Variants in HMCN2 observed in about 807,000 individuals in gnomAD.
The protein encoded by HMCN2 is hemicentin 2.
A neutral mutation model predicts 377.5 loss-of-function variants in HMCN2; 325 were observed. The ratio of observed to expected loss-of-function variants is 0.86; its 90% CI spans 0.79 to 0.94. The LOEUF is 0.94. HMCN2 is among the 40% of genes least tolerant of loss of function. The pLI is 0.00. For missense variants in HMCN2, 4,543 were observed against 4,725.3 expected (o/e 0.96, Z 1.13); for synonymous variants, 2,007 against 2,046.8 (o/e 0.98, Z 0.53).
intron 62 of HMCN2, among the ~76,000 whole-genome samples, chr9:130,389,139 G>T (rs1842170099): frequency 6.6e-6 from 1 of 152,194 alleles, no homozygotes; most frequent in African/African-American, 2.4e-5. Context: ...GCAGGGGCCG[G>T]CACTGCCAGC....
Position 130,388,401 on chromosome 9 carries a change from T to C in HMCN2, c.9392-8T>C. The C allele has an allele frequency of 1.0e-6, 1 of 987,902 alleles. No individual in the cohort carries two copies. Among genetic ancestry groups the C allele is most frequent in the East Asian group, 1.1e-4 (1 of 8,796 alleles). 61.2% of individuals were successfully genotyped at this position (987,902 alleles called of 1,614,324 possible). ...CAGAATTCTGACAGTCTGGCTTTCT[T>C]CCTGCAGTGCCCCCAACATTTGAGA... On this transcript the variant is annotated splice_polypyrimidine_tract_variant and splice_region_variant and intron_variant, in intron 61 of 97. Transcript: ENST00000683500.
rs565938462 is a variant in HMCN2 at position 130,304,874 on chromosome 9, G to A, written c.1688G>A (p.Arg563Gln). 3.8e-5 allele frequency: 18 copies of A among 471,132 alleles called. No homozygotes were observed. Among genetic ancestry groups the A allele is most frequent in the Non-Finnish European group, 7.5e-5 (17 of 227,058 alleles). 29.2% of individuals were successfully genotyped at this position (471,132 alleles called of 1,614,324 possible). Reference sequence around the variant, plus strand: ...CGAGTCCTGCCGGCCTCGACGGGCCGAGTTGCCCAGCTGGCTGACCTGTCC... The same window carrying A: ...CGAGTCCTGCCGGCCTCGACGGGCCAAGTTGCCCAGCTGGCTGACCTGTCC... ...DWRVLPASTG[R>Q]VAQLADLSLE... The change falls in exon 11 of 98, where the codon CGA becomes CAA. Residue 563 changes from arginine (R) to glutamine (Q), a missense_variant. Arg to Gln is a conservative substitution (Grantham distance 43). Coordinates refer to ENST00000683500, the MANE Select transcript of HMCN2 (RefSeq NM_001291815.2). This position sits in a 1 kb window ranked among gnomAD's most constrained non-coding sequence, Gnocchi z 4.3.
intron 4 of HMCN2, among the ~76,000 whole-genome samples, chr9:130,288,642 A>G (rs1157268220): frequency 6.6e-6 from 1 of 152,226 alleles, no homozygotes; most frequent in Non-Finnish European, 1.5e-5. Context: ...GTGCAGCCCA[A>G]GAGGCGTCAT....
At position 130,362,943 on chromosome 9, in the gene HMCN2, T is replaced by TG. The variant is rs1840464780; in HGVS notation, c.6186dup (p.Ser2063GlufsTer33). Reference sequence around the variant, plus strand: ...TCTGGGAGGTACTCCTGCGTGGCTGTGAGCGCGGTGGGCGAGGACCGCCAG... The same window carrying TG: ...TCTGGGAGGTACTCCTGCGTGGCTGTGGAGCGCGGTGGGCGAGGACCGCCAG... On this transcript the variant is annotated frameshift_variant, in exon 40 of 98. Transcript: ENST00000683500. LOFTEE classifies it high-confidence loss of function. 5 of 985,780 alleles carry TG rather than the reference T, an allele frequency of 5.1e-6. No homozygotes were observed. Among genetic ancestry groups the TG allele is most frequent in the Non-Finnish European group, 6.0e-6 (5 of 829,996 alleles). 61.1% of individuals were successfully genotyped at this position (985,780 alleles called of 1,614,324 possible). A position where few individuals can be genotyped will look rare whatever the true frequency, so the allele number is the denominator to read the frequency against.
In HMCN2 at chr9:130,375,723, C is replaced by G. The variant is rs1841340637; in HGVS notation, c.7791C>G (p.Ile2597Met). 3.0e-6 allele frequency: 3 copies of G among 985,782 alleles called. No homozygotes were observed. Among genetic ancestry groups the G allele is most frequent in the Non-Finnish European group, 3.6e-6 (3 of 829,992 alleles). 61.1% of individuals were successfully genotyped at this position (985,782 alleles called of 1,614,324 possible). The part of the protein sequence containing the change: ...DGAPFEASRN[I>M]QLLPGTHGLQ... ...CCCCGTTTGAGGCCTCCAGGAACAT[C>G]CAGCTGCTCCCAGGTGACGCCCTCT... Residue 2597 changes from isoleucine to methionine, a missense_variant, in exon 50 of 98, where the codon ATC (isoleucine) becomes ATG (methionine). This residue lies in a region of HMCN2 where 736 missense variants were observed against 773.2 expected (regional missense o/e 0.95). Coordinates refer to ENST00000683500, the MANE Select transcript of HMCN2 (RefSeq NM_001291815.2).
At chr9:130,426,715 A>G (rs1844395921) in intron 90 of HMCN2, among the ~76,000 whole-genome samples, 1 of 152,068 alleles carries the variant, frequency 6.6e-6, no homozygotes, top group African/African-American at 2.4e-5. Flanking sequence ...ATGCGGCCCA[A>G]CACAAATTTA....
At chr9:130,408,066 A>G (rs1250605371) in intron 83 of HMCN2, among the ~76,000 whole-genome samples, 1 of 152,210 alleles carries the variant, frequency 6.6e-6, no homozygotes, top group Non-Finnish European at 1.5e-5. Flanking sequence ...AAATGCCAGA[A>G]GCTTGCCAGC....
At chr9:130,408,212 G>A (rs769608003) in intron 83 of HMCN2, among the ~76,000 whole-genome samples, 10 of 152,194 alleles carry the variant, frequency 6.6e-5, no homozygotes, top group Non-Finnish European at 1.2e-4. Context: ...GGCACCAAAA[G>A]AGAACTGCAG....
rs1836606171 is a variant in HMCN2 at position 130,303,031 on chromosome 9, CAG to C, written c.1421+31_1421+32del. 1 of 454,394 alleles carries C rather than the reference CAG, an allele frequency of 2.2e-6. No individual in the cohort carries two copies. Among genetic ancestry groups the C allele is most frequent in the African/African-American group, 2.0e-5 (1 of 49,964 alleles). The allele number at this position is 454,394 out of a possible 1,614,324, so 28.1% of individuals were successfully genotyped here. On this transcript the variant is annotated intron_variant, in intron 9 of 97. Transcript: ENST00000683500. The surrounding 1 kb of genome is among the most constrained non-coding windows in gnomAD (Gnocchi z 5.2). The stretch of plus-strand genomic sequence containing the variant: ...GTGGCCCACGGCAGCTGATTGTCCC[CAG>C]CCACAGGGCTCCTGGCTGCTGAGGC...
At chr9:130,386,787 G>T (rs536978738) in intron 61 of HMCN2, among the ~76,000 whole-genome samples, 1 of 152,334 alleles carries the variant, frequency 6.6e-6, no homozygotes, top group African/African-American at 2.4e-5. Context: ...TGACATTACA[G>T]GCGTGAGCCA....
rs1003455910 is a variant in HMCN2, at chr9:130,399,548, G to A, written c.11521G>A (p.Gly3841Ser). The A allele has an allele frequency of 8.5e-6, 11 of 1,289,248 alleles. No homozygotes were observed. The highest frequency in any genetic ancestry group is 3.0e-5 in the African/African-American group (2 of 65,864). The allele number at this position is 1,289,248 out of a possible 1,614,324, so 79.9% of individuals were successfully genotyped here. The change falls in exon 76 of 98, where the codon GGC becomes AGC. Residue 3841 changes from glycine (G) to serine (S), a missense_variant. Around this residue, in one of 5 missense-constraint regions of HMCN2, gnomAD observed 1,073 missense variants for 1,319.5 expected, o/e 0.81. Coordinates refer to ENST00000683500, the MANE Select transcript of HMCN2 (RefSeq NM_001291815.2). ...CAACGCCCTGCTCCTCACGGCCCCC[G>A]GCCCCCAGGACTCAGCCCAGTTTGA... ...PSNALLLTAPGPQDSAQFECV... is the reference protein window; with the variant it reads ...PSNALLLTAPSPQDSAQFECV...
chr9:130,271,261 C>A (rs1176449937), intron 1 of HMCN2, among the ~76,000 whole-genome samples: 1 of 149,020 alleles, frequency 6.7e-6, no homozygotes, highest in African/African-American at 2.4e-5. Flanking sequence ...CCATACTGGG[C>A]TCTCTGGAAG....
chr9:130,354,706 T>A, intron 31 of HMCN2, 57 bp from the exon 32 acceptor site: 1 of 1,230,720 alleles, frequency 8.1e-7, no homozygotes, highest in Middle Eastern at 2.5e-4. Flanking sequence ...TGGGCTGAGA[T>A]GAGAGCAGGC....
At chr9:130,416,055 G>A (rs7850549) in intron 85 of HMCN2, among the ~76,000 whole-genome samples, 67,781 of 151,444 alleles carry the variant, frequency 0.45, 15,301 homozygotes, top group Middle Eastern at 0.54. Context: ...CCAGGCAGGA[G>A]GGCCAAAGGC....
chr9:130,399,581 G>T lies in HMCN2; in HGVS notation c.11554G>T (p.Val3852Leu), dbSNP rs1403922412. ...GGACTCAGCCCAGTTTGAATGCGTGGTGAGCAATGAGGTGGGCGAGGCCCA... is the reference window on the plus strand; with the variant it reads ...GGACTCAGCCCAGTTTGAATGCGTGTTGAGCAATGAGGTGGGCGAGGCCCA... ...PQDSAQFECVVSNEVGEAHRL... is the reference protein window; with the variant it reads ...PQDSAQFECVLSNEVGEAHRL... Residue 3852 changes from valine to leucine, a missense_variant, in exon 76 of 98, where the codon GTG (valine) becomes TTG (leucine). Coordinates refer to ENST00000683500, the MANE Select transcript of HMCN2 (RefSeq NM_001291815.2). 1.0e-5 allele frequency: 13 copies of T among 1,289,462 alleles called. No individual in the cohort carries two copies. The highest frequency in any genetic ancestry group is 1.1e-5 in the Non-Finnish European group (11 of 988,738). The allele number at this position is 1,289,462 out of a possible 1,614,324, so 79.9% of individuals were successfully genotyped here.
chr9:130,365,102 G>A (rs975799730), intron 41 of HMCN2, among the ~76,000 whole-genome samples: 1 of 152,194 alleles, frequency 6.6e-6, no homozygotes, highest in Non-Finnish European at 1.5e-5. Context: ...TCACCTGTCT[G>A]CTCCTCCTCC....
chr9:130,335,791 C>T (rs1179021623), intron 22 of HMCN2, among the ~76,000 whole-genome samples: 1 of 152,162 alleles, frequency 6.6e-6, no homozygotes, highest in African/African-American at 2.4e-5. Flanking sequence ...GACCCGCACC[C>T]ATCTGCTCTG....
At chr9:130,395,433 G>C in intron 71 of HMCN2, 86 bp downstream of exon 71, 1 of 1,146,076 alleles carries the variant, frequency 8.7e-7, no homozygotes, top group Non-Finnish European at 1.1e-6. Flanking sequence ...GATCCAGAGC[G>C]GGTGCCAAGG....
chr9:130,404,723 C>T (rs540653579), intron 80 of HMCN2, 146 bp from the exon 81 acceptor site: 181 of 434,836 alleles, frequency 4.2e-4, no homozygotes, highest in African/African-American at 3.3e-3. Flanking sequence ...ATCCTGAGCA[C>T]GGGCAATGGC....
Sources: allele counts gnomAD v4.1 joint callset (sites outside exome capture counted in the v4.1 genomes callset), GRCh38; gene constraint gnomAD v4.1.1; regional missense constraint gnomAD v4.1.1; non-coding constraint Gnocchi (gnomAD v3.1); transcripts MANE v1.5; gene names NCBI Gene and HGNC (gene_info 2026-07-23, HGNC 2026-07-21).